The following ALK variants were observed in gnomAD, a reference collection of about 807,000 sequenced individuals.
ALK encodes ALK tyrosine kinase receptor.
A neutral mutation model predicts 163.1 loss-of-function variants in ALK; 74 were observed. That is an observed-to-expected ratio of 0.45 (90% CI 0.38 to 0.55). The LOEUF (loss-of-function observed/expected upper bound fraction) is 0.55. Among genes scored for constraint, ALK ranks in the 20% least tolerant of loss-of-function variants. The probability of loss-of-function intolerance (pLI) is 0.00; values close to 1 mark genes in which losing one functional copy is unlikely to be tolerated. For synonymous variants in ALK, 960 were observed against 843.2 expected (o/e 1.14, Z -2.40); for missense variants, 2,063 against 2,105.3 (o/e 0.98, Z 0.39).
chr2:29,692,911 A>G (rs1678444534), intron 3 of ALK, among the ~76,000 whole-genome samples: 1 of 152,262 alleles, frequency 6.6e-6, no homozygotes, highest in Non-Finnish European at 1.5e-5. Flanking sequence ...TAGTACCAAA[A>G]GCAAATGAAT....
intron 2 of ALK, among the ~76,000 whole-genome samples, chr2:29,697,417 C>T (rs1204299438): frequency 6.6e-6 from 1 of 152,200 alleles, no homozygotes; most frequent in African/African-American, 2.4e-5. Context: ...TGGGCAGACT[C>T]TTTCTGTCCA....
At chr2:29,750,978 G>A (rs1046771771) in intron 1 of ALK, among the ~76,000 whole-genome samples, 3 of 152,164 alleles carry the variant, frequency 2.0e-5, no homozygotes, top group Non-Finnish European at 4.4e-5. Flanking sequence ...GCTGAGGCAG[G>A]AGAATCGCTT....
chr2:29,846,265 G>A (rs1053874722), intron 1 of ALK, among the ~76,000 whole-genome samples: 30 of 152,266 alleles, frequency 2.0e-4, no homozygotes, highest in Non-Finnish European at 3.8e-4. Flanking sequence ...CCACCTGACC[G>A]CATAGCCAGT....
chr2:29,533,732 T>C (rs1022970766), intron 3 of ALK, among the ~76,000 whole-genome samples: 2 of 152,142 alleles, frequency 1.3e-5, no homozygotes, highest in South Asian at 2.1e-4. Context: ...CCTGAGGACA[T>C]AGATGTGACA....
At chr2:29,408,736 T>G (rs749373413) in intron 4 of ALK, among the ~76,000 whole-genome samples, 1 of 152,190 alleles carries the variant, frequency 6.6e-6, no homozygotes, top group Non-Finnish European at 1.5e-5. Context: ...AAGTGGGGAA[T>G]GGGCAGATGA....
At chr2:29,490,767 A>G (rs1671882177) in intron 4 of ALK, among the ~76,000 whole-genome samples, 1 of 152,240 alleles carries the variant, frequency 6.6e-6, no homozygotes, top group Non-Finnish European at 1.5e-5. Context: ...TTAAAAAGTT[A>G]TGCTGCAATA....
rs58283588 is a variant in ALK at position 29,670,824 on chromosome 2, C to T, written c.952+24026G>A. On this transcript the variant is annotated intron_variant, in intron 3 of 28. Coordinates refer to ENST00000389048, the MANE Select transcript of ALK (RefSeq NM_004304.5). ...TCTTCACTTCAGCAAATGTATTTCT[C>T]AGTTCTAAGGTTTCCGTTTTATTTT... 8.9e-3 allele frequency among the ~76,000 whole-genome samples: 1,357 copies of T among 152,104 alleles called. 21 individuals are homozygous for T. The highest frequency in any genetic ancestry group is 0.031 in the African/African-American group (1,272 of 41,504).
intron 1 of ALK, among the ~76,000 whole-genome samples, chr2:29,718,722 G>C (rs1679336192): frequency 6.6e-6 from 1 of 152,204 alleles, no homozygotes; most frequent in African/African-American, 2.4e-5. Flanking sequence ...GACCTAGAGA[G>C]GCAAGTGATG....
intron 3 of ALK, among the ~76,000 whole-genome samples, chr2:29,689,806 C>T (rs1379471424): frequency 1.3e-5 from 2 of 152,140 alleles, no homozygotes; most frequent in African/African-American, 2.4e-5. Flanking sequence ...ACACATGTCC[C>T]GTTAAGATAC....
At chr2:29,613,052 T>A (rs1167325316) in intron 3 of ALK, among the ~76,000 whole-genome samples, 1 of 152,184 alleles carries the variant, frequency 6.6e-6, no homozygotes. Context: ...ATGAGTTTTG[T>A]CAGAGAGGAA....
chr2:29,657,895 C>T (rs1225889798), intron 3 of ALK, among the ~76,000 whole-genome samples: 1 of 152,040 alleles, frequency 6.6e-6, no homozygotes, highest in African/African-American at 2.4e-5. Context: ...AAACCAGCAG[C>T]TTATTATTAG....
In ALK at chr2:29,552,405, A is replaced by C. The variant is rs141811974; in HGVS notation, c.953-20289T>G. ...GGGTCATGTGATACTTCTATGTCTA[A>C]CCCTGTGAGGAGCCACCAGACTGTT... On this transcript the variant is annotated intron_variant, in intron 3 of 28. Coordinates refer to ENST00000389048, the MANE Select transcript of ALK (RefSeq NM_004304.5). Among the ~76,000 whole-genome samples, 83 of 152,202 alleles carry C rather than the reference A, an allele frequency of 5.5e-4. 1 individual carries two copies. The highest frequency in any genetic ancestry group is 1.9e-3 in the African/African-American group (78 of 41,520).
At chr2:29,325,774 TAGC>T (rs1172314415) in intron 6 of ALK, among the ~76,000 whole-genome samples, 1 of 152,168 alleles carries the variant, frequency 6.6e-6, no homozygotes, top group Non-Finnish European at 1.5e-5. Flanking sequence ...ATGGGTACAA[TAGC>T]ATCACACAGG....
intron 4 of ALK, among the ~76,000 whole-genome samples, chr2:29,401,980 T>C (rs1434954871): frequency 1.3e-5 from 2 of 152,174 alleles, no homozygotes; most frequent in East Asian, 3.8e-4. Context: ...ATCAGGGTAT[T>C]GTTTCTGGGA....
intron 5 of ALK, among the ~76,000 whole-genome samples, chr2:29,348,149 CA>C (rs1668007339): frequency 6.6e-6 from 1 of 152,100 alleles, no homozygotes; most frequent in South Asian, 2.1e-4. Context: ...TCAGGCTGGG[CA>C]GGGGTGGAAT....
chr2:29,671,958 C>T (rs1677703018), intron 3 of ALK, among the ~76,000 whole-genome samples: 1 of 151,326 alleles, frequency 6.6e-6, no homozygotes. Flanking sequence ...TCTAATGATA[C>T]AAAAATGTAT....
rs150974106 is a variant in ALK, at chr2:29,543,511, A to C, written c.953-11395T>G. On this transcript the variant is annotated intron_variant, in intron 3 of 28. Coordinates refer to ENST00000389048, the MANE Select transcript of ALK (RefSeq NM_004304.5). ...TCCCACTAGCAGCCATAAGTCTATC[A>C]CTCCACTTGAAGTTTTAGAGGCTTT... 8.7e-4 allele frequency among the ~76,000 whole-genome samples: 133 copies of C among 152,216 alleles called. 2 individuals carry two copies. The highest frequency in any genetic ancestry group is 3.1e-3 in the African/African-American group (127 of 41,536).
chr2:29,611,342 T>C (rs538456881), intron 3 of ALK, among the ~76,000 whole-genome samples: 5 of 152,210 alleles, frequency 3.3e-5, no homozygotes, highest in African/African-American at 1.2e-4. Context: ...CTTAGGCTGG[T>C]AGGAGCATAT....
At chr2:29,678,700 T>G (rs907016407) in intron 3 of ALK, among the ~76,000 whole-genome samples, 8 of 151,366 alleles carry the variant, frequency 5.3e-5, no homozygotes, top group African/African-American at 1.7e-4. Flanking sequence ...TTAATTAAAT[T>G]TAAATTTAAT....
Sources: gnomAD v4.1 joint callset for allele counts (sites outside exome capture counted in the v4.1 genomes callset) on GRCh38, gnomAD v4.1.1 for gene constraint, MANE v1.5 for transcripts, NCBI Gene and HGNC (gene_info 2026-07-23, HGNC 2026-07-21) for gene names.